SORBS2: variants seen among roughly 807,000 people sequenced by gnomAD.
The protein encoded by SORBS2 is sorbin and SH3 domain containing 2, also known as sorbin and SH3 domain-containing protein 2.
In SORBS2, 46 loss-of-function variants were observed where a neutral mutation model predicts 97.7. The ratio of observed to expected loss-of-function variants is 0.47; its 90% CI spans 0.37 to 0.60. SORBS2 has a LOEUF of 0.60. Among genes scored for constraint, SORBS2 ranks in the 20% least tolerant of loss-of-function variants. The pLI, the probability that SORBS2 is intolerant of heterozygous loss-of-function variation, is 0.00. For missense variants in SORBS2, 1,316 were observed against 1,282.3 expected (o/e 1.03, Z -0.40); for synonymous variants, 476 against 473.4 (o/e 1.01, Z -0.07).
Position 185,691,712 on chromosome 4 carries a change from G to A in SORBS2, c.-197-12890C>T, listed in dbSNP as rs542467809. Reference sequence around the variant, plus strand: ...GATGCAAAGCAATTGAGATTAATTCGCTAGAAACGGTTGGCAGAAAGGGGT... The same window carrying A: ...GATGCAAAGCAATTGAGATTAATTCACTAGAAACGGTTGGCAGAAAGGGGT... On this transcript the variant is annotated intron_variant, in intron 2 of 20. Transcript: ENST00000284776. Among the ~76,000 whole-genome samples the A allele has an allele frequency of 1.2e-4, 19 of 152,140 alleles. No homozygotes were observed. In the South Asian group the frequency reaches 3.9e-3, roughly 32 times the overall value.
intron 1 of SORBS2, among the ~76,000 whole-genome samples, chr4:185,948,545 T>C (rs1207517115): frequency 1.6e-5 from 2 of 127,892 alleles, no homozygotes; most frequent in African/African-American, 6.0e-5. Context: ...TGAGATAGAG[T>C]CTTGCTCCAT....
At chr4:185,836,950 C>T (rs1039528003) in intron 1 of SORBS2, among the ~76,000 whole-genome samples, 2 of 152,142 alleles carry the variant, frequency 1.3e-5, no homozygotes, top group African/African-American at 4.8e-5. Flanking sequence ...TAAGCTGCCT[C>T]GAATTCTAAA....
chr4:185,952,985 C>G (rs555150995), intron 1 of SORBS2, among the ~76,000 whole-genome samples: 2 of 152,200 alleles, frequency 1.3e-5, no homozygotes, highest in East Asian at 3.9e-4. Flanking sequence ...TTGTAGGTCT[C>G]TCTGTGGGCA....
At chr4:185,809,070 C>T (rs1472678065) in intron 1 of SORBS2, among the ~76,000 whole-genome samples, 1 of 151,942 alleles carries the variant, frequency 6.6e-6, no homozygotes, top group East Asian at 1.9e-4. Flanking sequence ...AAAATGAAAG[C>T]CTCATTGTTG....
In SORBS2 at chr4:185,895,487, G is replaced by A. The variant is rs560875696; in HGVS notation, c.-338+60709C>T. Among the ~76,000 whole-genome samples, 10 of 152,328 alleles carry A rather than the reference G, an allele frequency of 6.6e-5. No individual in the cohort carries two copies. The East Asian group carries it at 9.7e-4, about 15-fold the overall frequency. The stretch of plus-strand genomic sequence containing the variant: ...GAAAGTGGCAGCGGCGTGAGCATCC[G>A]TTCTGCTGCAGCAGATGCAGCGGTC... On this transcript the variant is annotated intron_variant, in intron 1 of 20. Transcript: ENST00000284776.
intron 2 of SORBS2, among the ~76,000 whole-genome samples, chr4:185,650,220 T>C (rs1037252409): frequency 6.6e-6 from 1 of 152,038 alleles, no homozygotes; most frequent in African/African-American, 2.4e-5. Flanking sequence ...AGAATTATGA[T>C]GGAAAATAAT....
At chr4:185,827,756 T>C (rs1178667861) in intron 1 of SORBS2, among the ~76,000 whole-genome samples, 210 of 19,430 alleles carry the variant, frequency 0.011, 3 homozygotes, top group African/African-American at 0.04. Flanking sequence ...ATCACCATCA[T>C]CACCATCATC....
chr4:185,731,858 C>CCCTATA (rs2098638195), intron 2 of SORBS2, among the ~76,000 whole-genome samples: 1 of 36,088 alleles, frequency 2.8e-5, no homozygotes, highest in African/African-American at 1.2e-4. Context: ...CTCTCTCTCT[C>CCCTATA]TCTCTCTCTA....
intron 1 of SORBS2, among the ~76,000 whole-genome samples, chr4:185,838,066 T>A (rs1225440723): frequency 6.6e-6 from 1 of 152,250 alleles, no homozygotes; most frequent in Non-Finnish European, 1.5e-5. Context: ...CATTTGACAC[T>A]AATTCCAACA....
chr4:185,590,981 A>T (rs921366606), intron 13 of SORBS2, among the ~76,000 whole-genome samples: 2 of 152,228 alleles, frequency 1.3e-5, no homozygotes, highest in African/African-American at 4.8e-5. Context: ...TTTCATGCCA[A>T]CTTAAAAAAG....
intron 1 of SORBS2, among the ~76,000 whole-genome samples, chr4:185,851,978 CTG>C (rs2099218143): frequency 6.6e-6 from 1 of 152,112 alleles, no homozygotes; most frequent in African/African-American, 2.4e-5. Context: ...TAATATAAGA[CTG>C]TAGAGAAAAA....
At chr4:185,653,328 A>T (rs571128224) in intron 1 of SORBS2, among the ~76,000 whole-genome samples, 79 of 152,378 alleles carry the variant, frequency 5.2e-4, no homozygotes, top group African/African-American at 1.7e-3. Context: ...CAGAGTGTAT[A>T]CAACATTTGC....
Position 185,831,698 on chromosome 4 carries a change from T to C in SORBS2, c.-337-56332A>G, listed in dbSNP as rs541880167. 1.4e-4 allele frequency among the ~76,000 whole-genome samples: 22 copies of C among 152,130 alleles called. No homozygotes were observed. The South Asian group carries it at 2.9e-3, about 20-fold the overall frequency. ...CCATGGAGTGGTAACCAAGACAGAG[T>C]CCTTTCCCTCAGGGAGCTTACAGTG... On this transcript the variant is annotated intron_variant, in intron 1 of 20. Coordinates refer to the SORBS2 transcript ENST00000284776.
At chr4:185,933,019 A>G (rs2099267211) in intron 1 of SORBS2, 1 of 152,262 alleles carries the variant, frequency 6.6e-6, no homozygotes, top group South Asian at 2.1e-4. Context: ...AGTGTTTCAC[A>G]TCATTACAAC....
intron 2 of SORBS2, among the ~76,000 whole-genome samples, chr4:185,699,017 T>A (rs2098220349): frequency 6.6e-6 from 1 of 152,210 alleles, no homozygotes; most frequent in South Asian, 2.1e-4. Context: ...ACTTTTCTTC[T>A]GATTGAATAC....
At chr4:185,874,110 T>C (rs972042371) in intron 1 of SORBS2, among the ~76,000 whole-genome samples, 2 of 152,190 alleles carry the variant, frequency 1.3e-5, no homozygotes, top group African/African-American at 4.8e-5. Flanking sequence ...GTCCATCATA[T>C]TGTTGTTAAT....
intron 2 of SORBS2, among the ~76,000 whole-genome samples, chr4:185,688,195 T>C (rs1272384779): frequency 6.6e-6 from 1 of 152,194 alleles, no homozygotes; most frequent in Admixed American, 6.5e-5. Context: ...GTTTAGACAC[T>C]TTAGTATGAA....
At chr4:185,751,514 G>A (rs1366046243) in intron 2 of SORBS2, among the ~76,000 whole-genome samples, 1 of 152,162 alleles carries the variant, frequency 6.6e-6, no homozygotes, top group Non-Finnish European at 1.5e-5. Context: ...CAAGCTTGAT[G>A]AGGGCAGATG....
At chr4:185,870,845 G>T (rs1219239605) in intron 1 of SORBS2, among the ~76,000 whole-genome samples, 2 of 152,278 alleles carry the variant, frequency 1.3e-5, no homozygotes, top group African/African-American at 2.4e-5. Context: ...ATTAAGGAAA[G>T]AAGCCACATT....
Sources: allele counts gnomAD v4.1 joint callset (sites outside exome capture counted in the v4.1 genomes callset), GRCh38; gene constraint gnomAD v4.1.1; transcripts MANE v1.5; gene names NCBI Gene and HGNC (gene_info 2026-07-23, HGNC 2026-07-21).